The following PDE7B variants were observed in gnomAD, a reference collection of about 807,000 sequenced individuals.
PDE7B encodes 3',5'-cyclic-AMP phosphodiesterase 7B.
In PDE7B, 29 loss-of-function variants were observed where a neutral mutation model predicts 56.2. The observed-to-expected ratio is 0.52, with a 90% confidence interval of 0.38 to 0.70. The LOEUF is 0.70. PDE7B is among the 30% of genes least tolerant of loss of function. PDE7B has a pLI of 0.00. For missense variants in PDE7B, 490 were observed against 565.0 expected (o/e 0.87, Z 1.35); for synonymous variants, 197 against 196.9 (o/e 1.00, Z 0.00).
intron 2 of PDE7B, among the ~76,000 whole-genome samples, chr6:136,084,478 A>T (rs1338026802): frequency 6.6e-6 from 1 of 152,162 alleles, no homozygotes; most frequent in Non-Finnish European, 1.5e-5. Flanking sequence ...AATTTTACAC[A>T]GCCCAGTAGC....
In PDE7B at chr6:135,945,161, C is replaced by T. The variant is rs772804920; in HGVS notation, c.22-2303C>T. On this transcript the variant is annotated intron_variant, in intron 1 of 12. Coordinates refer to ENST00000308191, the MANE Select transcript of PDE7B (RefSeq NM_018945.4). ...AAAGGTTTAATGTCTTCCAAAACAA[C>T]GAAATAGGAACAAATACTATGATCA... Among the ~76,000 whole-genome samples the T allele has an allele frequency of 5.9e-5, 9 of 152,242 alleles. No homozygotes were observed. In the South Asian group the frequency reaches 6.2e-4, roughly 11 times the overall value.
intron 1 of PDE7B, among the ~76,000 whole-genome samples, chr6:135,904,640 G>A (rs4636045): frequency 0.71 from 107,590 of 152,036 alleles, 38,471 homozygotes; most frequent in East Asian, 0.85. Flanking sequence ...ATCAAACACT[G>A]TGATGTAAAA....
intron 1 of PDE7B, among the ~76,000 whole-genome samples, chr6:135,868,438 T>C (rs1775306605): frequency 6.6e-6 from 1 of 152,202 alleles, no homozygotes; most frequent in Non-Finnish European, 1.5e-5. Flanking sequence ...AAACTTTTTT[T>C]TTTTTTTGAG....
intron 1 of PDE7B, among the ~76,000 whole-genome samples, chr6:135,910,194 CAA>C (rs908021014): frequency 3.7e-4 from 56 of 152,222 alleles, no homozygotes; most frequent in African/African-American, 1.1e-3. Flanking sequence ...GTGTGAAACT[CAA>C]AGAGTATGAA....
chr6:136,124,851 A>G (rs1777995427), intron 3 of PDE7B, among the ~76,000 whole-genome samples: 1 of 152,202 alleles, frequency 6.6e-6, no homozygotes, highest in Non-Finnish European at 1.5e-5. Context: ...CAGCAGCTGG[A>G]GAGTTTGCCC....
At chr6:135,895,510 C>T (rs920834058) in intron 1 of PDE7B, among the ~76,000 whole-genome samples, 12 of 152,122 alleles carry the variant, frequency 7.9e-5, no homozygotes, top group Non-Finnish European at 1.8e-4. Context: ...CTAGTACGCT[C>T]CTTCTCAACA....
intron 2 of PDE7B, among the ~76,000 whole-genome samples, chr6:136,021,711 T>C (rs1488556183): frequency 6.6e-6 from 1 of 152,096 alleles, no homozygotes; most frequent in African/African-American, 2.4e-5. Flanking sequence ...CCCTAGCCAA[T>C]ACATCATTTC....
intron 2 of PDE7B, among the ~76,000 whole-genome samples, chr6:135,950,919 G>C (rs1339728962): frequency 6.6e-6 from 1 of 152,118 alleles, no homozygotes; most frequent in Non-Finnish European, 1.5e-5. Context: ...GAGTTACTCT[G>C]GTGCGCCGGA....
intron 2 of PDE7B, among the ~76,000 whole-genome samples, chr6:136,054,037 TG>T (rs1776683870): frequency 6.6e-6 from 1 of 151,962 alleles, no homozygotes; most frequent in Non-Finnish European, 1.5e-5. Context: ...TTTCTTTTGC[TG>T]TGCAGAAGCT....
chr6:135,935,810 A>G (rs1051199203), intron 1 of PDE7B, among the ~76,000 whole-genome samples: 7 of 152,198 alleles, frequency 4.6e-5, no homozygotes, highest in African/African-American at 1.7e-4. Context: ...TTCTAGCTCT[A>G]GCTTGGGATT....
chr6:136,115,263 T>C (rs1777812080), intron 3 of PDE7B, among the ~76,000 whole-genome samples: 1 of 150,890 alleles, frequency 6.6e-6, no homozygotes, highest in Non-Finnish European at 1.5e-5. Flanking sequence ...TTCAGAGGAG[T>C]TCGAGAAGGG....
chr6:135,871,485 G>A (rs943227794), intron 1 of PDE7B, among the ~76,000 whole-genome samples: 14 of 152,328 alleles, frequency 9.2e-5, no homozygotes, highest in African/African-American at 2.9e-4. Flanking sequence ...TTTGGGCTCA[G>A]CAAAGCAAGG....
At chr6:136,012,307 C>A (rs1369708474) in intron 2 of PDE7B, among the ~76,000 whole-genome samples, 1 of 152,088 alleles carries the variant, frequency 6.6e-6, no homozygotes, top group Non-Finnish European at 1.5e-5. Flanking sequence ...TGTTTCTGGC[C>A]CCCACACTGT....
chr6:136,038,435 A>T (rs1488861075), intron 2 of PDE7B: 1 of 1,290,342 alleles, frequency 7.7e-7, no homozygotes, highest in African/African-American at 1.5e-5. Flanking sequence ...GATGATCAGG[A>T]TGGTAAAGCT....
At chr6:136,049,470 G>GA (rs1433341440) in intron 2 of PDE7B, 1 of 151,868 alleles carries the variant, frequency 6.6e-6, no homozygotes, top group Non-Finnish European at 1.5e-5. Context: ...AAACATATAA[G>GA]AAAAATATGG....
At chr6:136,084,542 GA>G (rs552604439) in intron 2 of PDE7B, among the ~76,000 whole-genome samples, 127 of 152,160 alleles carry the variant, frequency 8.3e-4, no homozygotes, top group Admixed American at 1.7e-3. Flanking sequence ...ACATAGTTGG[GA>G]AAAACTTTGT....
rs571975309 is a variant in PDE7B, at chr6:136,066,147, G to A, written c.83-42584G>A. On this transcript the variant is annotated intron_variant, in intron 2 of 12. Coordinates refer to ENST00000308191, the MANE Select transcript of PDE7B (RefSeq NM_018945.4). ...TTCAGAAGGAAAGACTCTTCTACCT[G>A]CGAGGCAATACAGCAATTCCTGTTT... Among the ~76,000 whole-genome samples, 6 of 152,296 alleles carry A rather than the reference G, an allele frequency of 3.9e-5. No individual in the cohort carries two copies. In the South Asian group the frequency reaches 1.0e-3, roughly 26 times the overall value.
intron 2 of PDE7B, among the ~76,000 whole-genome samples, chr6:136,057,444 T>A (rs544571659): frequency 6.6e-6 from 1 of 152,214 alleles, no homozygotes; most frequent in Non-Finnish European, 1.5e-5. Context: ...GAAAGCCTAA[T>A]ACCTCTAATC....
chr6:136,039,607 A>G (rs1261394353), intron 2 of PDE7B, among the ~76,000 whole-genome samples: 5 of 152,186 alleles, frequency 3.3e-5, no homozygotes, highest in Admixed American at 2.6e-4. Context: ...TATTATTAAG[A>G]AGTTAATACT....
Sources: gnomAD v4.1 joint callset for allele counts (sites outside exome capture counted in the v4.1 genomes callset) on GRCh38, gnomAD v4.1.1 for gene constraint, MANE v1.5 for transcripts, NCBI Gene and HGNC (gene_info 2026-07-23, HGNC 2026-07-21) for gene names.